PDZD2: variants seen among roughly 807,000 people sequenced by gnomAD.
PDZD2 encodes the protein PDZ domain-containing protein 2.
In PDZD2, 90 loss-of-function variants were observed where a neutral mutation model predicts 220.7. The ratio of observed to expected loss-of-function variants is 0.41; its 90% CI spans 0.34 to 0.49. The LOEUF is 0.49. PDZD2 is among the 20% of genes least tolerant of loss of function. PDZD2 has a pLI of 0.28. For synonymous variants in PDZD2, 1,375 were observed against 1,450.5 expected (o/e 0.95, Z 1.18); for missense variants, 3,174 against 3,608.5 (o/e 0.88, Z 3.08).
chr5:31,796,301 G>A (rs1396961177), intron 1 of PDZD2, among the ~76,000 whole-genome samples: 1 of 152,074 alleles, frequency 6.6e-6, no homozygotes, highest in Non-Finnish European at 1.5e-5. Flanking sequence ...TTAGGGCGAG[G>A]GCAGCAATGC....
chr5:31,828,674 A>C (rs1756376739), intron 2 of PDZD2, among the ~76,000 whole-genome samples: 2 of 152,036 alleles, frequency 1.3e-5, no homozygotes, highest in Admixed American at 1.3e-4. Context: ...TTTGTAAAAA[A>C]TTTTTTTGTA....
chr5:31,964,923 C>A (rs1748590707), intron 2 of PDZD2, among the ~76,000 whole-genome samples: 1 of 152,044 alleles, frequency 6.6e-6, no homozygotes, highest in South Asian at 2.1e-4. Context: ...TACACTGTAC[C>A]GTGTTAGCCA....
At chr5:31,771,735 G>A (rs1561446739) in intron 1 of PDZD2, among the ~76,000 whole-genome samples, 1 of 152,286 alleles carries the variant, frequency 6.6e-6, no homozygotes, top group South Asian at 2.1e-4. Flanking sequence ...GTTAAAGGAC[G>A]GTTGATGCAA....
intron 2 of PDZD2, among the ~76,000 whole-genome samples, chr5:31,958,976 A>G (rs1333817954): frequency 2.6e-5 from 4 of 151,988 alleles, no homozygotes; most frequent in Non-Finnish European, 4.4e-5. Flanking sequence ...TCTGTCACCC[A>G]GGCTGGAGTG....
At chr5:31,795,409 G>T (rs549028042) in intron 1 of PDZD2, among the ~76,000 whole-genome samples, 4 of 152,266 alleles carry the variant, frequency 2.6e-5, no homozygotes, top group Non-Finnish European at 5.9e-5. Flanking sequence ...AGCTTCAAGC[G>T]ATTCAAAATT....
chr5:32,019,860 C>T (rs997469322), intron 6 of PDZD2, among the ~76,000 whole-genome samples: 5 of 151,974 alleles, frequency 3.3e-5, no homozygotes, highest in African/African-American at 4.8e-5. Context: ...GACTTTCTCA[C>T]GGGAGGTAAG....
chr5:32,074,495 G>C lies in PDZD2; in HGVS notation c.3389G>C (p.Arg1130Thr). The change falls in exon 18 of 25, where the codon AGA (arginine) becomes ACA (threonine). Residue 1130 changes from arginine to threonine, a missense_variant. Physicochemically the swap from Arg to Thr is moderately conservative, Grantham distance 71 (BLOSUM62 -1). This residue lies in a region of PDZD2 where 1,861 missense variants were observed against 2,001.0 expected (regional missense o/e 0.93). Transcript: ENST00000438447. ...GCCAGGGTAAGCCCCCACTGCAAGAGATCCGAGGCTGAGGCCAAGCCCAGT... is the reference window on the plus strand; with the variant it reads ...GCCAGGGTAAGCCCCCACTGCAAGACATCCGAGGCTGAGGCCAAGCCCAGT... Reference protein sequence around the residue: ...PVARVSPHCKRSEAEAKPSGS... With the variant: ...PVARVSPHCKTSEAEAKPSGS... The C allele has an allele frequency of 5.6e-6, 9 of 1,614,130 alleles. No homozygotes were observed. The highest frequency in any genetic ancestry group is 4.0e-5 in the African/African-American group (3 of 75,072).
chr5:31,795,165 G>C (rs1753953590), intron 1 of PDZD2, among the ~76,000 whole-genome samples: 1 of 152,152 alleles, frequency 6.6e-6, no homozygotes, highest in East Asian at 1.9e-4. Context: ...TAAGGAATAA[G>C]ATTTTGTTGG....
intron 3 of PDZD2, among the ~76,000 whole-genome samples, chr5:31,987,033 C>G (rs1198544753): frequency 3.1e-5 from 2 of 65,252 alleles, no homozygotes; most frequent in Non-Finnish European, 7.3e-5. Context: ...TGGGTTTGTC[C>G]TCTAAAACAA....
At chr5:31,671,322 TC>T (rs1048442620) in intron 1 of PDZD2, among the ~76,000 whole-genome samples, 4 of 152,228 alleles carry the variant, frequency 2.6e-5, no homozygotes, top group African/African-American at 9.6e-5. Context: ...TGAAAATAGT[TC>T]CCTGTTATCA....
intron 2 of PDZD2, among the ~76,000 whole-genome samples, chr5:31,830,337 T>TC (rs1756498367): frequency 6.8e-6 from 1 of 146,742 alleles, no homozygotes; most frequent in Non-Finnish European, 1.5e-5. Context: ...AGCTAATTTT[T>TC]TTTTTTTTTT....
intron 6 of PDZD2, among the ~76,000 whole-genome samples, chr5:32,011,926 A>G (rs1753351237): frequency 6.6e-6 from 1 of 152,156 alleles, no homozygotes; most frequent in African/African-American, 2.4e-5. Context: ...GATTTATTAT[A>G]ACCGTTTTCT....
At chr5:31,808,730 A>T (rs1350533188) in intron 2 of PDZD2, among the ~76,000 whole-genome samples, 1 of 152,202 alleles carries the variant, frequency 6.6e-6, no homozygotes, top group Non-Finnish European at 1.5e-5. Flanking sequence ...TAATGCCAGC[A>T]CTTGGGGAGG....
intron 1 of PDZD2, among the ~76,000 whole-genome samples, chr5:31,678,573 A>C (rs975528939): frequency 6.6e-6 from 1 of 152,092 alleles, no homozygotes; most frequent in Non-Finnish European, 1.5e-5. Context: ...GTGATTCATC[A>C]CAGCACCCCC....
rs58965956 is a variant in PDZD2, at chr5:31,740,524, C to CAAAAAAAAAAAAAAAAAA, written c.-360-58348_-360-58331dup. Reference sequence around the variant, plus strand: ...TGGGTGACAGAGCAAGACTCCGTCTCAAAAAAAAAAAAAAAAAAAAAAAAA... The same window carrying CAAAAAAAAAAAAAAAAAA: ...TGGGTGACAGAGCAAGACTCCGTCTCAAAAAAAAAAAAAAAAAAAAAAAAAAAAAAAAAAAAAAAAAAA... On this transcript the variant is annotated intron_variant, in intron 1 of 24. Transcript: ENST00000438447. Among the ~76,000 whole-genome samples the CAAAAAAAAAAAAAAAAAA allele has an allele frequency of 2.7e-4, 16 of 60,092 alleles. 2 individuals carry two copies. The highest frequency in any genetic ancestry group is 4.3e-4 in the Admixed American group (2 of 4,656). The allele number at this position is 60,092 out of a possible 152,430, so 39.4% of individuals were successfully genotyped here. A position where few individuals can be genotyped will look rare whatever the true frequency, so the allele number is the denominator to read the frequency against.
intron 2 of PDZD2, among the ~76,000 whole-genome samples, chr5:31,893,951 A>G (rs1238826207): frequency 5.3e-5 from 8 of 151,458 alleles, no homozygotes; most frequent in African/African-American, 1.7e-4. Flanking sequence ...CTGAAGTGCA[A>G]TGGTGCAATC....
chr5:31,949,353 TAAC>T (rs766426243), intron 2 of PDZD2, among the ~76,000 whole-genome samples: 61 of 152,264 alleles, frequency 4.0e-4, no homozygotes, highest in Middle Eastern at 3.4e-3. Context: ...CATGCACTTC[TAAC>T]AACTGGAGTT....
rs935143143 is a variant in PDZD2 at position 32,108,753 on chromosome 5, G to GTATT, written c.*620_*623dup. The GTATT allele has an allele frequency of 2.0e-5, 3 of 152,494 alleles. No homozygotes were observed. The highest frequency in any genetic ancestry group is 7.3e-5 in the African/African-American group (3 of 41,376). The allele number at this position is 152,494 out of a possible 1,614,324, so 9.4% of individuals were successfully genotyped here. A position where few individuals can be genotyped will look rare whatever the true frequency, so the allele number is the denominator to read the frequency against. On this transcript the variant is annotated 3_prime_UTR_variant, in exon 25 of 25. Transcript: ENST00000438447. The stretch of plus-strand genomic sequence containing the variant: ...GAAAAAGCAAAATAATTAATTGAGA[G>GTATT]TATTTTTTAGTGAGTGTAATGTATA...
intron 2 of PDZD2, among the ~76,000 whole-genome samples, chr5:31,921,396 T>C (rs896431534): frequency 1.3e-5 from 2 of 151,966 alleles, no homozygotes; most frequent in African/African-American, 4.8e-5. Flanking sequence ...AACTTGAAGC[T>C]CTTAAGGCCG....
Sources: allele counts gnomAD v4.1 joint callset (sites outside exome capture counted in the v4.1 genomes callset), GRCh38; gene constraint gnomAD v4.1.1; regional missense constraint gnomAD v4.1.1; transcripts MANE v1.5; gene names NCBI Gene and HGNC (gene_info 2026-07-23, HGNC 2026-07-21).